The following APBB2 variants were observed in gnomAD, a reference collection of about 807,000 sequenced individuals.
APBB2 encodes the protein Fe65-like 1.
APBB2 carries 38 observed loss-of-function variants against 82.5 expected under a neutral mutation model. That is an observed-to-expected ratio of 0.46 (90% CI 0.36 to 0.60). The LOEUF (loss-of-function observed/expected upper bound fraction) is 0.60. APBB2 is among the 20% of genes least tolerant of loss of function. The probability of loss-of-function intolerance (pLI) is 0.00; values close to 1 mark genes in which losing one functional copy is unlikely to be tolerated. For synonymous variants in APBB2, 341 were observed against 368.2 expected (o/e 0.93, Z 0.85); for missense variants, 772 against 972.3 (o/e 0.79, Z 2.74).
At chr4:40,941,748 A>G (rs1786990518) in intron 7 of APBB2, among the ~76,000 whole-genome samples, 1 of 152,156 alleles carries the variant, frequency 6.6e-6, no homozygotes, top group South Asian at 2.1e-4. Flanking sequence ...TTCCTGCCTC[A>G]GCCTCCTAAG....
chr4:40,885,001 G>A (rs1012104397), intron 12 of APBB2, among the ~76,000 whole-genome samples: 1 of 152,152 alleles, frequency 6.6e-6, no homozygotes, highest in African/African-American at 2.4e-5. Context: ...ATCAAAACCA[G>A]AAAAGAAAGG....
At chr4:41,207,193 C>T (rs1212032185) in intron 1 of APBB2, among the ~76,000 whole-genome samples, 3 of 109,552 alleles carry the variant, frequency 2.7e-5, no homozygotes, top group African/African-American at 6.8e-5. Context: ...AGTGAGACTC[C>T]GTCTCAAAAA....
intron 1 of APBB2, among the ~76,000 whole-genome samples, chr4:41,177,864 C>A (rs1770252367): frequency 1.3e-5 from 2 of 152,136 alleles, no homozygotes; most frequent in African/African-American, 2.4e-5. Context: ...ACCGGTTGAG[C>A]ATCCATAATC....
At chr4:41,074,660 A>G (rs564158302) in intron 3 of APBB2, among the ~76,000 whole-genome samples, 1 of 146,294 alleles carries the variant, frequency 6.8e-6, no homozygotes, top group Non-Finnish European at 1.5e-5. Flanking sequence ...CCCAGGCTGG[A>G]GTGCAGTGGC....
At chr4:40,820,620 G>A (rs1195323367) in intron 17 of APBB2, among the ~76,000 whole-genome samples, 3 of 151,980 alleles carry the variant, frequency 2.0e-5, no homozygotes, top group South Asian at 2.1e-4. Context: ...AGCTGAGATC[G>A]CGCCATTGCA....
chr4:40,991,880 T>C (rs1320323843), intron 6 of APBB2, among the ~76,000 whole-genome samples: 1 of 152,096 alleles, frequency 6.6e-6, no homozygotes, highest in Non-Finnish European at 1.5e-5. Flanking sequence ...TTAAGAATCT[T>C]CTATGAGAGT....
At chr4:41,169,837 G>A (rs998153289) in intron 1 of APBB2, among the ~76,000 whole-genome samples, 1 of 145,298 alleles carries the variant, frequency 6.9e-6, no homozygotes, top group African/African-American at 2.7e-5. Flanking sequence ...GGGAAAAAAG[G>A]AAAGAAAATA....
At chr4:40,925,136 T>A (rs759701670) in intron 10 of APBB2, among the ~76,000 whole-genome samples, 6 of 152,208 alleles carry the variant, frequency 3.9e-5, no homozygotes, top group Non-Finnish European at 7.3e-5. Context: ...CATTCGTGAC[T>A]CAGTAGCTCA....
At chr4:41,028,587 A>C (rs10033248) in intron 5 of APBB2, among the ~76,000 whole-genome samples, 25,777 of 152,216 alleles carry the variant, frequency 0.17, 2,396 homozygotes, top group Non-Finnish European at 0.21. Context: ...TGAATCCCTA[A>C]AATAAGACAT....
At chr4:41,040,963 C>A (rs956022512) in intron 4 of APBB2, among the ~76,000 whole-genome samples, 4 of 152,156 alleles carry the variant, frequency 2.6e-5, no homozygotes, top group Non-Finnish European at 5.9e-5. Flanking sequence ...TCACTGCAAG[C>A]TCCGCCTCCC....
chr4:41,184,194 T>A (rs1772237745), intron 1 of APBB2, among the ~76,000 whole-genome samples: 1 of 152,092 alleles, frequency 6.6e-6, no homozygotes, highest in African/African-American at 2.4e-5. Flanking sequence ...TGTAAATACA[T>A]ATGAAGCTTC....
chr4:41,067,760 A>C (rs1287166201), intron 3 of APBB2, among the ~76,000 whole-genome samples: 1 of 152,220 alleles, frequency 6.6e-6, no homozygotes, highest in Non-Finnish European at 1.5e-5. Flanking sequence ...TTTGGATTTG[A>C]CATTTAAGAA....
chr4:40,942,408 G>A (rs1372715872), intron 7 of APBB2, among the ~76,000 whole-genome samples: 1 of 152,138 alleles, frequency 6.6e-6, no homozygotes, highest in Non-Finnish European at 1.5e-5. Flanking sequence ...AGAGTCCTCG[G>A]GCTCTAGAGT....
At chr4:41,109,818 T>C (rs978364413) in intron 2 of APBB2, among the ~76,000 whole-genome samples, 1 of 152,172 alleles carries the variant, frequency 6.6e-6, no homozygotes, top group East Asian at 1.9e-4. Context: ...TTTATCCCTA[T>C]TTTACAGAAG....
intron 6 of APBB2, among the ~76,000 whole-genome samples, chr4:40,952,348 T>C (rs1240110389): frequency 2.0e-5 from 3 of 152,146 alleles, no homozygotes; most frequent in Non-Finnish European, 4.4e-5. Context: ...TCTTCCTTAT[T>C]ATACACCGTG....
chr4:40,824,741 T>C (rs1254203469), intron 15 of APBB2, among the ~76,000 whole-genome samples: 1 of 152,180 alleles, frequency 6.6e-6, no homozygotes, highest in East Asian at 1.9e-4. Context: ...TCCACCTGCC[T>C]TGGCTTCCCA....
At chr4:41,179,954 G>A (rs935315423) in intron 1 of APBB2, among the ~76,000 whole-genome samples, 5 of 152,178 alleles carry the variant, frequency 3.3e-5, no homozygotes, top group South Asian at 2.1e-4. Context: ...ACTTGATAAC[G>A]TGTTAACTCA....
chr4:40,972,080 T>C (rs6824331), intron 6 of APBB2, among the ~76,000 whole-genome samples: 39,792 of 152,066 alleles, frequency 0.26, 5,257 homozygotes, highest in Middle Eastern at 0.32. Flanking sequence ...AGATAAATTA[T>C]AGACTATTTT....
chr4:40,846,012 TGGG>T (rs1410057866), intron 12 of APBB2, among the ~76,000 whole-genome samples: 1 of 22,782 alleles, frequency 4.4e-5, no homozygotes, highest in Non-Finnish European at 9.4e-5. Flanking sequence ...TGGGTGTGAG[TGGG>T]GTGTGTGTGT....
Sources: allele counts gnomAD v4.1 joint callset (sites outside exome capture counted in the v4.1 genomes callset), GRCh38; gene constraint gnomAD v4.1.1; transcripts MANE v1.5; gene names NCBI Gene and HGNC (gene_info 2026-07-23, HGNC 2026-07-21).